Variants in GNG7 observed in about 807,000 individuals in gnomAD.
GNG7 encodes the protein guanine nucleotide-binding protein G(I)/G(S)/G(O) subunit gamma-7.
A neutral mutation model predicts 4.0 loss-of-function variants in GNG7; 1 was observed. That is an observed-to-expected ratio of 0.25 (90% CI 0.09 to 1.18). The LOEUF (loss-of-function observed/expected upper bound fraction) is 1.18. GNG7 is among the 50% of genes most tolerant of loss of function. The pLI, the probability that GNG7 is intolerant of heterozygous loss-of-function variation, is 0.50. For synonymous variants in GNG7, 34 were observed against 36.9 expected (o/e 0.92, Z 0.29); for missense variants, 86 against 91.9 (o/e 0.94, Z 0.26).
chr19:2,599,577 T>C (rs895505600), intron 2 of GNG7, among the ~76,000 whole-genome samples: 1 of 152,088 alleles, frequency 6.6e-6, no homozygotes, highest in African/African-American at 2.4e-5. Context: ...TGAGTTATTG[T>C]GGCTTTGGTT....
At chr19:2,678,394 A>T (rs559982049) in intron 1 of GNG7, among the ~76,000 whole-genome samples, 1 of 152,312 alleles carries the variant, frequency 6.6e-6, no homozygotes, top group East Asian at 1.9e-4. Flanking sequence ...AAGGCTTTGG[A>T]TTCAGAAGCT....
chr19:2,574,017 G>A lies in GNG7; in HGVS notation c.-77-18829C>T, dbSNP rs937134325. On this transcript the variant is annotated intron_variant, in intron 2 of 4. Coordinates refer to ENST00000382159, the MANE Select transcript of GNG7 (RefSeq NM_052847.3). ...ACGGCCGGAGTTCTGCCGCCTCGGG[G>A]AGGCCTGGGTATCCCGAGACCAGAG... Among the ~76,000 whole-genome samples the A allele has an allele frequency of 3.3e-5, 5 of 152,318 alleles. No individual in the cohort carries two copies. The South Asian group carries it at 1.0e-3, about 32-fold the overall frequency.
At chr19:2,588,425 A>C (rs11672460) in intron 2 of GNG7, among the ~76,000 whole-genome samples, 2,271 of 152,334 alleles carry the variant, frequency 0.015, 39 homozygotes, top group Non-Finnish European at 0.021. Context: ...ACCTTAACGC[A>C]CGTCATGAGG....
At position 2,614,777 on chromosome 19, in the gene GNG7, T is replaced by C. The variant is rs1344114621; in HGVS notation, c.-78+31447A>G. On this transcript the variant is annotated intron_variant, in intron 2 of 4. Transcript: ENST00000382159. This position sits in a 1 kb window ranked among gnomAD's most constrained non-coding sequence, Gnocchi z 6.0. ...GGCAAGGTTCTATTTGAACACCTGC[T>C]TCCAATTCCTCTGGGCAGATAACTA... Among the ~76,000 whole-genome samples the C allele has an allele frequency of 2.0e-5, 3 of 152,246 alleles. No homozygotes were observed. Among genetic ancestry groups the C allele is most frequent in the African/African-American group, 7.2e-5 (3 of 41,462 alleles).
chr19:2,636,835 G>A (rs1982320468), intron 2 of GNG7, among the ~76,000 whole-genome samples: 1 of 152,066 alleles, frequency 6.6e-6, no homozygotes, highest in East Asian at 1.9e-4. Context: ...GCTCGGGGGT[G>A]ACTGAAGACA....
chr19:2,629,768 A>C (rs1033443817), intron 2 of GNG7, among the ~76,000 whole-genome samples: 1 of 152,154 alleles, frequency 6.6e-6, no homozygotes, highest in African/African-American at 2.4e-5. Flanking sequence ...CACGAGTAAG[A>C]GGAGCTCCGT....
intron 2 of GNG7, among the ~76,000 whole-genome samples, chr19:2,622,893 A>C (rs1384821510): frequency 2.0e-5 from 3 of 152,218 alleles, no homozygotes; most frequent in Admixed American, 6.5e-5. Flanking sequence ...TTTCACTTTC[A>C]CCGTGTATCA....
chr19:2,604,817 G>A (rs766395314), intron 2 of GNG7, among the ~76,000 whole-genome samples: 13 of 152,142 alleles, frequency 8.5e-5, no homozygotes, highest in African/African-American at 2.2e-4. Context: ...GGGCAGTGGC[G>A]AGAAGGAAAC....
chr19:2,680,365 G>C (rs975561439), intron 1 of GNG7, among the ~76,000 whole-genome samples: 3 of 151,808 alleles, frequency 2.0e-5, no homozygotes, highest in African/African-American at 7.3e-5. Flanking sequence ...GGCCAGGCTG[G>C]TCTCAAACTC....
rs1235194246 is a variant in GNG7 at position 2,512,458 on chromosome 19, T to C, written c.*2564A>G. 3.9e-6 allele frequency: 3 copies of C among 765,148 alleles called. No homozygotes were observed. Among genetic ancestry groups the C allele is most frequent in the Non-Finnish European group, 4.8e-6 (3 of 629,054 alleles). 47.4% of individuals were successfully genotyped at this position (765,148 alleles called of 1,614,324 possible). A position where few individuals can be genotyped will look rare whatever the true frequency, so the allele number is the denominator to read the frequency against. On this transcript the variant is annotated 3_prime_UTR_variant, in exon 5 of 5. Coordinates refer to ENST00000382159, the MANE Select transcript of GNG7 (RefSeq NM_052847.3). The surrounding 1 kb of genome is among the most constrained non-coding windows in gnomAD (Gnocchi z 4.7). ...CTGGGGTCCGGGAGATGGTGGGGTC[T>C]GGACAGCTCAGGGAACCCAAGGCCC...
chr19:2,566,967 C>T (rs1979929862), intron 2 of GNG7, among the ~76,000 whole-genome samples: 1 of 151,648 alleles, frequency 6.6e-6, no homozygotes, highest in Non-Finnish European at 1.5e-5. Context: ...TAGCCGGGCG[C>T]GGTGGCGGGC....
At chr19:2,656,029 C>CAAAAAAAAAAAAAAAA (rs55687607) in intron 1 of GNG7, among the ~76,000 whole-genome samples, 4 of 98,082 alleles carry the variant, frequency 4.1e-5, no homozygotes, top group Admixed American at 1.2e-4. Context: ...CGATTCAAAA[C>CAAAAAAAAAAAAAAAA]AAAAAAAAAA....
At chr19:2,543,014 G>T (rs1162796967) in intron 3 of GNG7, among the ~76,000 whole-genome samples, 1 of 151,248 alleles carries the variant, frequency 6.6e-6, no homozygotes, top group Non-Finnish European at 1.5e-5. Context: ...CCAGGTTCAA[G>T]TGATTCTCCT....
chr19:2,602,493 C>G (rs1455598718), intron 2 of GNG7, among the ~76,000 whole-genome samples: 1 of 152,300 alleles, frequency 6.6e-6, no homozygotes, highest in East Asian at 1.9e-4. Flanking sequence ...GACAGGAATG[C>G]GCTGTGCAGA....
intron 4 of GNG7, among the ~76,000 whole-genome samples, chr19:2,517,853 C>T (rs1444739195): frequency 6.6e-6 from 1 of 152,168 alleles, no homozygotes; most frequent in Non-Finnish European, 1.5e-5. Flanking sequence ...CTTTGGACCC[C>T]AAGGATACCT....
chr19:2,604,262 G>A (rs905016316), intron 2 of GNG7, among the ~76,000 whole-genome samples: 2 of 151,934 alleles, frequency 1.3e-5, no homozygotes, highest in African/African-American at 4.8e-5. Flanking sequence ...TTGAGGCCAG[G>A]AGTTTGAGAC....
At chr19:2,584,970 G>C (rs1387735782) in intron 2 of GNG7, among the ~76,000 whole-genome samples, 1 of 70,798 alleles carries the variant, frequency 1.4e-5, no homozygotes, top group Non-Finnish European at 2.4e-5. Flanking sequence ...GAAGGAAGGA[G>C]GGAGGGAGGG....
intron 1 of GNG7, among the ~76,000 whole-genome samples, chr19:2,652,600 A>ACAGAG (rs1185660137): frequency 6.6e-6 from 1 of 152,136 alleles, no homozygotes; most frequent in Non-Finnish European, 1.5e-5. Context: ...AGCCTGGGGA[A>ACAGAG]CAGAGCGAGA....
At chr19:2,612,246 G>A (rs923862924) in intron 2 of GNG7, among the ~76,000 whole-genome samples, 26 of 152,178 alleles carry the variant, frequency 1.7e-4, no homozygotes, top group Admixed American at 8.5e-4. Context: ...CCTTCTCTGG[G>A]GTGGGGCCAT....
Sources: allele counts gnomAD v4.1 joint callset (sites outside exome capture counted in the v4.1 genomes callset), GRCh38; gene constraint gnomAD v4.1.1; non-coding constraint Gnocchi (gnomAD v3.1); transcripts MANE v1.5; gene names NCBI Gene and HGNC (gene_info 2026-07-23, HGNC 2026-07-21).